OR7C1: variants seen among roughly 807,000 people sequenced by gnomAD.
OR7C1 encodes the protein olfactory receptor family 7 subfamily C member 1.
For missense variants in OR7C1, 324 were observed against 383.3 expected (o/e 0.85, Z 1.29); for synonymous variants, 152 against 160.7 (o/e 0.95, Z 0.41).
At chr19:14,827,464 G>C (rs1428292068) in intron 1 of OR7C1, 6 of 1,614,070 alleles carry the variant, frequency 3.7e-6, no homozygotes, top group Non-Finnish European at 4.2e-6. Context: ...GCAGAACTAA[G>C]GTACACCCCT....
At chr19:14,821,561 G>A (rs1296623454) in intron 1 of OR7C1, 1 of 152,198 alleles carries the variant, frequency 6.6e-6, no homozygotes. Flanking sequence ...CTTTGTGTCT[G>A]AAAGTAAGAA....
At chr19:14,823,042 G>A (rs1299943495) in intron 1 of OR7C1, among the ~76,000 whole-genome samples, 1 of 151,926 alleles carries the variant, frequency 6.6e-6, no homozygotes, top group Non-Finnish European at 1.5e-5. Flanking sequence ...TTTCACTTTC[G>A]TTGCCTGTGT....
intron 2 of OR7C1, among the ~76,000 whole-genome samples, chr19:14,807,910 A>G (rs2044673184): frequency 6.6e-6 from 1 of 151,702 alleles, no homozygotes; most frequent in South Asian, 2.1e-4. Context: ...AAAAAAACAA[A>G]CAAACAGTCT....
chr19:14,814,744 G>A (rs945129998), intron 1 of OR7C1, among the ~76,000 whole-genome samples: 2 of 152,110 alleles, frequency 1.3e-5, no homozygotes, highest in Admixed American at 6.6e-5. Flanking sequence ...CTCCTTAACT[G>A]AACGGACCTC....
chr19:14,810,381 T>TTTG (rs202119274), intron 1 of OR7C1, among the ~76,000 whole-genome samples: 41 of 135,278 alleles, frequency 3.0e-4, no homozygotes, highest in African/African-American at 1.2e-3. Context: ...AGTTTTTTTT[T>TTTG]TTTGTTTTTT....
chr19:14,828,102 A>G, intron 1 of OR7C1: 1 of 1,614,162 alleles, frequency 6.2e-7, no homozygotes, highest in Non-Finnish European at 8.5e-7. Flanking sequence ...GATTGTGGCC[A>G]GGATGATGAG....
At chr19:14,818,889 C>A (rs2044728648) in intron 1 of OR7C1, among the ~76,000 whole-genome samples, 1 of 152,136 alleles carries the variant, frequency 6.6e-6, no homozygotes, top group Non-Finnish European at 1.5e-5. Context: ...TGTATTTCCA[C>A]CTTATTTCAC....
intron 1 of OR7C1, among the ~76,000 whole-genome samples, chr19:14,816,399 C>T (rs1484969193): frequency 6.6e-6 from 1 of 152,164 alleles, no homozygotes; most frequent in Non-Finnish European, 1.5e-5. Flanking sequence ...ACCATCTAAT[C>T]AGCTGCCAGT....
At chr19:14,819,938 G>A (rs529512047) in intron 1 of OR7C1, among the ~76,000 whole-genome samples, 1 of 151,818 alleles carries the variant, frequency 6.6e-6, no homozygotes, top group South Asian at 2.1e-4. Context: ...ATACAGTCTC[G>A]CTCTGTCACC....
At position 14,800,151 on chromosome 19, in the gene OR7C1, T is replaced by C; in HGVS notation, c.-13-2A>G. ...CCTGTTTCCATGGGGATAAAATAAC[T>C]GCCACAAGAGAGAAAAAAGCAACAG... On this transcript the variant is annotated splice_acceptor_variant, in intron 4 of 4. Coordinates refer to ENST00000641666, the Ensembl canonical transcript of OR7C1. LOFTEE classifies it low-confidence loss of function (5UTR_SPLICE). The C allele has an allele frequency of 2.0e-6, 3 of 1,537,238 alleles. No homozygotes were observed. Among genetic ancestry groups the C allele is most frequent in the Non-Finnish European group, 2.6e-6 (3 of 1,141,432 alleles).
chr19:14,832,022 C>A (rs2044838277), intron 1 of OR7C1, among the ~76,000 whole-genome samples: 1 of 152,054 alleles, frequency 6.6e-6, no homozygotes, highest in Non-Finnish European at 1.5e-5. Context: ...AATACTCATG[C>A]CTCAGCTTCT....
At chr19:14,827,982 GTCTGGATGTTCA>G (rs762138681) in intron 1 of OR7C1, 1 of 1,614,184 alleles carries the variant, frequency 6.2e-7, no homozygotes, top group Non-Finnish European at 8.5e-7. Context: ...TTTGTTCTGT[GTCTGGATGTTCA>G]TCAGCATTTT....
chr19:14,811,443 CTG>C (rs1326353077), intron 1 of OR7C1, among the ~76,000 whole-genome samples: 2 of 151,902 alleles, frequency 1.3e-5, no homozygotes, highest in African/African-American at 4.9e-5. Flanking sequence ...TATAAAGACA[CTG>C]TGTCATTGAA....
intron 1 of OR7C1, among the ~76,000 whole-genome samples, chr19:14,821,911 A>G (rs1326596304): frequency 6.6e-6 from 1 of 152,186 alleles, no homozygotes; most frequent in African/African-American, 2.4e-5. Flanking sequence ...TTCTACTTCT[A>G]TGAGTTCATT....
At chr19:14,804,695 C>T (rs964865367) in intron 2 of OR7C1, among the ~76,000 whole-genome samples, 4 of 151,366 alleles carry the variant, frequency 2.6e-5, no homozygotes, top group African/African-American at 7.3e-5. Context: ...GACTGGGGAG[C>T]GGGGGTAGGG....
chr19:14,810,600 TG>T (rs1430462524), intron 1 of OR7C1, among the ~76,000 whole-genome samples: 44 of 150,532 alleles, frequency 2.9e-4, no homozygotes, highest in African/African-American at 1.0e-3. Context: ...TTAGTCAGGA[TG>T]GTCTCAATCT....
At chr19:14,799,123 A>G in exon 5 of OR7C1, 1 of 1,536,354 alleles carries the variant, frequency 6.5e-7, no homozygotes, top group South Asian at 1.3e-5. Flanking sequence ...TGATGTTTGG[A>G]TACATTCAAG....
chr19:14,810,917 T>C (rs1481604563), intron 1 of OR7C1, among the ~76,000 whole-genome samples: 1 of 151,672 alleles, frequency 6.6e-6, no homozygotes, highest in Non-Finnish European at 1.5e-5. Context: ...TTTTGGGCTA[T>C]ATTTCTATGT....
chr19:14,803,307 C>CAAAAA (rs553496845), intron 2 of OR7C1, among the ~76,000 whole-genome samples: 2 of 83,558 alleles, frequency 2.4e-5, no homozygotes, highest in Admixed American at 1.4e-4. Flanking sequence ...ACTATGTCTC[C>CAAAAA]AAAAAAAAAA....
Sources: allele counts gnomAD v4.1 joint callset (sites outside exome capture counted in the v4.1 genomes callset), GRCh38; gene constraint gnomAD v4.1.1; transcripts MANE v1.5; gene names NCBI Gene and HGNC (gene_info 2026-07-23, HGNC 2026-07-21).